The following LRPPRC variants were observed in gnomAD, a reference collection of about 807,000 sequenced individuals.
The protein encoded by LRPPRC is leucine rich pentatricopeptide repeat containing, also known as leucine-rich PPR motif-containing protein, mitochondrial.
In LRPPRC, 120 loss-of-function variants were observed where a neutral mutation model predicts 180.3. That is an observed-to-expected ratio of 0.67 (90% confidence interval 0.57 to 0.77). The LOEUF (loss-of-function observed/expected upper bound fraction) is 0.77. LRPPRC is among the 30% of genes least tolerant of loss of function. The pLI, the probability that LRPPRC is intolerant of heterozygous loss-of-function variation, is 0.00. For missense variants in LRPPRC, 2,012 were observed against 1,657.2 expected, an observed-to-expected ratio of 1.21 and a Z score of -3.72; for synonymous variants, 723 against 600.0, an observed-to-expected ratio of 1.21 and a Z score of -3.00.
intron 14 of LRPPRC, among the ~76,000 whole-genome samples, chr2:43,955,406 C>G (rs984828780): frequency 6.7e-6 from 1 of 148,984 alleles, no homozygotes; most frequent in Admixed American, 6.8e-5. Context: ...AATTTGGAGG[C>G]TGCAATGAGC....
chr2:43,991,071 T>C lies in LRPPRC; in HGVS notation c.149+4728A>G, dbSNP rs531276420. Among the ~76,000 whole-genome samples, 10 of 150,554 alleles carry C rather than the reference T, an allele frequency of 6.6e-5. No homozygotes were observed. In the East Asian group the frequency reaches 1.9e-3, roughly 29 times the overall value. ...TTGAGATGGGGTCTCACTCTGTCAC[T>C]GAGGCTGGAGTGCAGTGGCCTGATC... On this transcript the variant is annotated intron_variant, in intron 1 of 37. Coordinates refer to ENST00000260665, the MANE Select transcript of LRPPRC (RefSeq NM_133259.4).
rs1572953568 is a variant in LRPPRC at position 43,946,384 on chromosome 2, C to T, written c.2080-141G>A. 8.9e-6 allele frequency: 6 copies of T among 677,582 alleles called. 1 individual carries two copies. The highest frequency in any genetic ancestry group is 8.1e-5 in the South Asian group (5 of 61,682). 42.0% of individuals were successfully genotyped at this position (677,582 alleles called of 1,614,324 possible). The stretch of plus-strand genomic sequence containing the variant: ...GTTTCATGTTAACAACCTGACTCTG[C>T]CCCTTGATATTTTTATTCACCTCTA... On this transcript the variant is annotated intron_variant, in intron 20 of 37. Coordinates refer to ENST00000260665, the MANE Select transcript of LRPPRC (RefSeq NM_133259.4).
chr2:43,943,017 T>C (rs1672540393), intron 23 of LRPPRC, among the ~76,000 whole-genome samples: 1 of 152,078 alleles, frequency 6.6e-6, no homozygotes, highest in South Asian at 2.1e-4. Context: ...AAAGAAGATC[T>C]AGGAAATTTA....
chr2:43,890,989 C>T (rs1256731778), intron 36 of LRPPRC, among the ~76,000 whole-genome samples: 2 of 152,178 alleles, frequency 1.3e-5, no homozygotes, highest in Admixed American at 6.5e-5. Flanking sequence ...ACCGCAACTC[C>T]GGCAGCACCA....
rs1670306624 is a variant in LRPPRC, at chr2:43,887,392, A to G, written c.*1208T>C. The G allele has an allele frequency of 6.6e-6, 1 of 152,224 alleles. No individual in the cohort carries two copies. The allele number at this position is 152,224 out of a possible 1,614,324, so 9.4% of individuals were successfully genotyped here. A position where few individuals can be genotyped will look rare whatever the true frequency, so the allele number is the denominator to read the frequency against. On this transcript the variant is annotated 3_prime_UTR_variant, in exon 38 of 38. Transcript: ENST00000260665. ...TCCCTCACACCATCTGCGGGCAGGTAGCAGATGCAGGAGAGAGAGTTCCAC... is the reference window on the plus strand; with the variant it reads ...TCCCTCACACCATCTGCGGGCAGGTGGCAGATGCAGGAGAGAGAGTTCCAC...
chr2:43,976,464 A>C (rs1674060641), intron 5 of LRPPRC, among the ~76,000 whole-genome samples: 1 of 152,166 alleles, frequency 6.6e-6, no homozygotes, highest in Non-Finnish European at 1.5e-5. Flanking sequence ...ATTTTTAAAA[A>C]TCTGATTATC....
At chr2:43,920,599 T>C (rs908240073) in intron 27 of LRPPRC, among the ~76,000 whole-genome samples, 3 of 152,130 alleles carry the variant, frequency 2.0e-5, no homozygotes, top group Admixed American at 2.0e-4. Flanking sequence ...CATTAACTAA[T>C]TACGCTTTTT....
intron 3 of LRPPRC, among the ~76,000 whole-genome samples, chr2:43,978,914 G>C (rs1674177841): frequency 6.6e-6 from 1 of 152,040 alleles, no homozygotes; most frequent in Non-Finnish European, 1.5e-5. Flanking sequence ...ACTGTGAGCT[G>C]ATTTTCTGGG....
chr2:43,926,469 G>A (rs1671882935), intron 25 of LRPPRC, among the ~76,000 whole-genome samples: 2 of 152,138 alleles, frequency 1.3e-5, no homozygotes. Flanking sequence ...ATGGGTTCAA[G>A]TAATTCTCCT....
chr2:43,948,394 C>CA lies in LRPPRC; in HGVS notation c.1842+17dup, dbSNP rs1420984063. On this transcript the variant is annotated intron_variant, in intron 17 of 37. Transcript: ENST00000260665. ...GTCAGGCAGGACAGGCATTATATAG[C>CA]AAAAAACGAAATGGTACCATCTTCT... The CA allele has an allele frequency of 2.0e-6, 3 of 1,534,762 alleles. No homozygotes were observed. Among genetic ancestry groups the CA allele is most frequent in the Non-Finnish European group, 2.7e-6 (3 of 1,107,976 alleles).
intron 29 of LRPPRC, 89 bp from the exon 30 acceptor site, chr2:43,912,647 C>T (rs1671307232): frequency 1.7e-6 from 2 of 1,150,460 alleles, no homozygotes; most frequent in Non-Finnish European, 2.6e-6. Context: ...AGACCTAAAC[C>T]CAAATATTTT....
intron 13 of LRPPRC, chr2:43,958,900 A>C (rs1157635388): frequency 3.6e-6 from 1 of 276,102 alleles, no homozygotes; most frequent in African/African-American, 2.2e-5. Flanking sequence ...TACTTGGCAA[A>C]CTTCTTGGCA....
chr2:43,983,384 G>A (rs150495516), intron 1 of LRPPRC, among the ~76,000 whole-genome samples: 1 of 151,720 alleles, frequency 6.6e-6, no homozygotes, highest in Non-Finnish European at 1.5e-5. Flanking sequence ...TAGAAAAATC[G>A]TGCATTAAGT....
chr2:43,939,410 G>T (rs1297634801), intron 23 of LRPPRC, among the ~76,000 whole-genome samples: 1 of 152,168 alleles, frequency 6.6e-6, no homozygotes, highest in African/African-American at 2.4e-5. Context: ...GGCAATTTAT[G>T]TAACAGGCTT....
At chr2:43,893,558 TTA>T (rs1670573121) in intron 36 of LRPPRC, among the ~76,000 whole-genome samples, 1 of 152,218 alleles carries the variant, frequency 6.6e-6, no homozygotes, top group Non-Finnish European at 1.5e-5. Flanking sequence ...TATCTTAAAA[TTA>T]AGGTATGTAC....
chr2:43,944,477 CTTAA>C (rs755663055), intron 22 of LRPPRC, among the ~76,000 whole-genome samples: 1 of 152,002 alleles, frequency 6.6e-6, no homozygotes, highest in Non-Finnish European at 1.5e-5. Context: ...TAATGTTGTT[CTTAA>C]TTATTACACA....
chr2:43,900,264 T>G (rs928079717), intron 32 of LRPPRC, among the ~76,000 whole-genome samples: 2 of 152,284 alleles, frequency 1.3e-5, no homozygotes, highest in South Asian at 4.1e-4. Context: ...TGGTAAAAAT[T>G]ATCTCTATGA....
intron 27 of LRPPRC, among the ~76,000 whole-genome samples, chr2:43,921,417 A>G (rs1651209158): frequency 6.6e-6 from 1 of 152,236 alleles, no homozygotes; most frequent in Admixed American, 6.5e-5. Flanking sequence ...AAAGGGAGAA[A>G]AAGCAAGTAT....
chr2:43,971,062 T>C (rs1394874538), intron 11 of LRPPRC, among the ~76,000 whole-genome samples: 1 of 150,542 alleles, frequency 6.6e-6, no homozygotes, highest in Non-Finnish European at 1.5e-5. Context: ...ATAGTGCCAT[T>C]GCACTCCAGC....
Sources: gnomAD v4.1 joint callset for allele counts (sites outside exome capture counted in the v4.1 genomes callset) on GRCh38, gnomAD v4.1.1 for gene constraint, MANE v1.5 for transcripts, NCBI Gene and HGNC (gene_info 2026-07-23, HGNC 2026-07-21) for gene names.